DCHS1: variants seen among roughly 807,000 people sequenced by gnomAD.
DCHS1 encodes protocadherin-16.
Under a neutral mutation model 213.9 loss-of-function variants are expected in DCHS1, and 78 were observed. The ratio of observed to expected loss-of-function variants is 0.36; its 90% CI spans 0.30 to 0.44. The LOEUF is 0.44. Ranked by LOEUF, DCHS1 falls within the 20% of genes least tolerant of loss-of-function variation. The pLI, the probability that DCHS1 is intolerant of heterozygous loss-of-function variation, is 1.00. For synonymous variants in DCHS1, 1,828 were observed against 1,873.7 expected, an observed-to-expected ratio of 0.98 and a Z score of 0.63; for missense variants, 3,946 against 4,395.9, an observed-to-expected ratio of 0.90 and a Z score of 2.89.
chr11:6,629,659 C>T lies in DCHS1; in HGVS notation c.5035+13G>A, dbSNP rs1589955497. 12 of 1,612,808 alleles carry T rather than the reference C, an allele frequency of 7.4e-6. No homozygotes were observed. In the East Asian group the frequency reaches 2.0e-4, roughly 27 times the overall value. On this transcript the variant is annotated intron_variant, in intron 11 of 20. Coordinates refer to ENST00000299441, the MANE Select transcript of DCHS1 (RefSeq NM_003737.4). Reference sequence around the variant, plus strand: ...AGTCCATCCCACTCATAATTCACCCCCCCAGGTCTTACCCACGTCGGGGTC... The same window carrying T: ...AGTCCATCCCACTCATAATTCACCCTCCCAGGTCTTACCCACGTCGGGGTC...
rs779370588 is a variant in DCHS1, at chr11:6,632,600, C to T, written c.2912G>A (p.Arg971Gln). 4.0e-5 allele frequency: 61 copies of T among 1,520,266 alleles called. No individual in the cohort carries two copies. The highest frequency in any genetic ancestry group is 8.3e-5 in the Admixed American group (4 of 48,338). 94.2% of individuals were successfully genotyped at this position (1,520,266 alleles called of 1,614,324 possible). The change falls in exon 6 of 21, where the codon CGG becomes CAG. Residue 971 changes from arginine to glutamine, a missense_variant. Around this residue, in one of 3 missense-constraint regions of DCHS1, gnomAD observed 3,384 missense variants for 3,780.1 expected, o/e 0.90. Transcript: ENST00000299441. The surrounding 1 kb of genome is among the most constrained non-coding windows in gnomAD (Gnocchi z 5.9). ...GPAHELELEA[R>Q]DGGSPPRTSH... is the part of the protein sequence containing the mutation. ...GGTGCGTGGTGGGGAGCCCCCATCC[C>T]GGGCCTCCAGCTCCAGCTCATGGGC...
At position 6,630,263 on chromosome 11, in the gene DCHS1, G is replaced by C. The variant is rs1181160706; in HGVS notation, c.4531C>G (p.Leu1511Val). 17 of 1,539,168 alleles carry C rather than the reference G, an allele frequency of 1.1e-5. No homozygotes were observed. The highest frequency in any genetic ancestry group is 1.4e-5 in the Non-Finnish European group (16 of 1,146,226). ...LDRETTPALL[L>V]LVEATDRPAN... The stretch of plus-strand genomic sequence containing the variant: ...GGCCGGTCGGTGGCTTCCACCAGCA[G>C]CAGCAGCGCGGGAGTGGTCTCTCGG... The change falls in exon 10 of 21, where the codon CTG becomes GTG. Residue 1511 changes from leucine to valine, a missense_variant. Coordinates refer to ENST00000299441, the MANE Select transcript of DCHS1 (RefSeq NM_003737.4).
chr11:6,631,431 T>C, intron 7 of DCHS1, 24 bp from the exon 8 acceptor site: 1 of 1,613,518 alleles, frequency 6.2e-7, no homozygotes, highest in South Asian at 1.1e-5. Flanking sequence ...ACTCACCTAG[T>C]GAGTCTCTTT....
At chr11:6,637,751 A>G (rs980371231) in intron 2 of DCHS1, among the ~76,000 whole-genome samples, 1 of 152,066 alleles carries the variant, frequency 6.6e-6, no homozygotes, top group Non-Finnish European at 1.5e-5. Flanking sequence ...CCAAATGGAA[A>G]TGTTCTTATT....
At chr11:6,635,015 A>G (rs1855968161) in intron 2 of DCHS1, 1 of 152,256 alleles carries the variant, frequency 6.6e-6, no homozygotes, top group East Asian at 1.9e-4. Context: ...CTGTACTTAG[A>G]AAGAAGAAAG....
Position 6,626,230 on chromosome 11 carries a change from A to T in DCHS1, c.6515T>A (p.Leu2172Gln), listed in dbSNP as rs56920123. Residue 2172 changes from leucine to glutamine, a missense_variant, in exon 16 of 21, where the codon CTG becomes CAG. By Grantham distance (113) the Leu-to-Gln change is moderately radical. Coordinates refer to ENST00000299441, the MANE Select transcript of DCHS1 (RefSeq NM_003737.4). This position sits in a 1 kb window ranked among gnomAD's most constrained non-coding sequence, Gnocchi z 5.2. The part of the protein sequence containing the change: ...QDANDNAPRF[L>Q]RPHYVAFLPE... ...AAGGAAGGCCACATAATGGGGCCGC[A>T]GGAAACGGGGAGCATTGTCGTTGGC... 6,088 of 1,612,016 alleles carry T rather than the reference A, an allele frequency of 3.8e-3. 170 individuals are homozygous for T. The African/African-American group carries it at 0.063, about 17-fold the overall frequency.
At chr11:6,650,395 G>A (rs527915367) in intron 1 of DCHS1, among the ~76,000 whole-genome samples, 2 of 152,270 alleles carry the variant, frequency 1.3e-5, no homozygotes, top group South Asian at 4.1e-4. Flanking sequence ...TAGGGAAGAT[G>A]GATACAGGAG....
intron 1 of DCHS1, among the ~76,000 whole-genome samples, chr11:6,654,481 A>T (rs939064350): frequency 6.6e-6 from 1 of 152,126 alleles, no homozygotes; most frequent in African/African-American, 2.4e-5. Context: ...AATGTCTTCC[A>T]TGGTATGTGT....
intron 1 of DCHS1, among the ~76,000 whole-genome samples, chr11:6,654,875 C>A (rs530843522): frequency 6.6e-6 from 1 of 152,130 alleles, no homozygotes; most frequent in Non-Finnish European, 1.5e-5. Context: ...ACCCCCTCCA[C>A]GTGGGACCCA....
Position 6,621,344 on chromosome 11 carries a change from T to C in DCHS1, c.*435A>G, listed in dbSNP as rs1355797994. On this transcript the variant is annotated 3_prime_UTR_variant, in exon 21 of 21. Transcript: ENST00000299441. ...TGGAGACTGGATACAAATTGCAGTT[T>C]ATTAAGGCTCCAGAGTGAGAAATGG... The C allele has an allele frequency of 3.3e-6, 1 of 301,308 alleles. No individual in the cohort carries two copies. Among genetic ancestry groups the C allele is most frequent in the Non-Finnish European group, 6.6e-6 (1 of 151,442 alleles). 18.7% of individuals were successfully genotyped at this position (301,308 alleles called of 1,614,324 possible). A position where few individuals can be genotyped will look rare whatever the true frequency, so the allele number is the denominator to read the frequency against.
rs1251578536 is a variant in DCHS1, at chr11:6,640,304, G to A, written c.1310C>T (p.Ala437Val). ...ARRLDREERD[A>V]YNLRVTATDS... ...TGTGGCTGTAACCCTCAAGTTATAG[G>A]CATCCCTCTCCTCTCGATCCAGCCG... is the stretch of plus-strand genomic sequence containing the variant. Residue 437 changes from alanine (A) to valine (V), a missense_variant, in exon 2 of 21, where the codon GCC (alanine) becomes GTC (valine). Physicochemically the swap from Ala to Val is moderately conservative, Grantham distance 64 (BLOSUM62 0). This residue lies in a region of DCHS1 where 3,384 missense variants were observed against 3,780.1 expected (regional missense o/e 0.90). Coordinates refer to ENST00000299441, the MANE Select transcript of DCHS1 (RefSeq NM_003737.4). The surrounding 1 kb of genome is among the most constrained non-coding windows in gnomAD (Gnocchi z 6.5). 5 of 1,607,648 alleles carry A rather than the reference G, an allele frequency of 3.1e-6. No homozygotes were observed. The South Asian group carries it at 4.4e-5, about 14-fold the overall frequency.
chr11:6,639,965 G>A lies in DCHS1; in HGVS notation c.1649C>T (p.Ala550Val), dbSNP rs757766406. 1 of 1,614,006 alleles carries A rather than the reference G, an allele frequency of 6.2e-7. No individual in the cohort carries two copies. Among genetic ancestry groups the A allele is most frequent in the South Asian group, 1.1e-5 (1 of 91,084 alleles). ...TAGAGGGGGCAGGCCACCATCTGTG[G>A]CCACCACAATCAGCTGTGGCTGAGG... ...LEPQPQLIVVATDGGLPPLAS... is the reference protein window; with the variant it reads ...LEPQPQLIVVVTDGGLPPLAS... The change falls in exon 2 of 21, where the codon GCC becomes GTC. Residue 550 changes from alanine to valine, a missense_variant. By Grantham distance (64) the Ala-to-Val change is moderately conservative (BLOSUM62 0). Transcript: ENST00000299441.
rs771867213 is a variant in DCHS1, at chr11:6,628,689, G to A, written c.5303C>T (p.Thr1768Ile). The A allele has an allele frequency of 8.7e-6, 14 of 1,614,014 alleles. No individual in the cohort carries two copies. In the East Asian group the frequency reaches 1.6e-4, roughly 18 times the overall value. ...ATCAGAGGCCCGAAGCATGGTAAGG[G>A]TCTGGGGGTCCTGGCCCTCAGGCAC... ...LEVPEGQDPQ[T>I]LTMLRASDPD... Residue 1768 changes from threonine to isoleucine, a missense_variant, in exon 13 of 21, where the codon ACC (threonine) becomes ATC (isoleucine). Around this residue, in one of 3 missense-constraint regions of DCHS1, gnomAD observed 3,384 missense variants for 3,780.1 expected, o/e 0.90. Transcript: ENST00000299441. The surrounding 1 kb of genome is among the most constrained non-coding windows in gnomAD (Gnocchi z 4.3).
At chr11:6,654,923 T>C (rs1856292735) in intron 1 of DCHS1, among the ~76,000 whole-genome samples, 1 of 152,098 alleles carries the variant, frequency 6.6e-6, no homozygotes, top group Non-Finnish European at 1.5e-5. Context: ...TGCACGGGAT[T>C]CTGAGCTGGG....
rs148656427 is a variant in DCHS1 at position 6,623,819 on chromosome 11, A to G, written c.7857T>C (p.Ala2619=). ...CAGAGGCCTCTACATGCAGCAGCTC[A>G]GCTCCAACAGGTGTGTCCTCAGGTA... The part of the protein sequence containing the change: ...VTVPEDTPVG[A]ELLHVEASDA... Residue 2619 remains alanine (A), a synonymous_variant, in exon 21 of 21, where the codon GCT becomes GCC. Transcript: ENST00000299441. 1 of 1,613,772 alleles carries G rather than the reference A, an allele frequency of 6.2e-7. No homozygotes were observed. Among genetic ancestry groups the G allele is most frequent in the East Asian group, 2.2e-5 (1 of 44,878 alleles).
chr11:6,627,329 G>A lies in DCHS1; in HGVS notation c.5710C>T (p.Leu1904=), dbSNP rs1397484007. 6.2e-7 allele frequency: 1 copy of A among 1,610,080 alleles called. No homozygotes were observed. The highest frequency in any genetic ancestry group is 8.5e-7 in the Non-Finnish European group (1 of 1,178,268). Residue 1904 remains leucine, a synonymous_variant, in exon 14 of 21, where the codon CTG becomes TTG. Transcript: ENST00000299441. The surrounding 1 kb of genome is among the most constrained non-coding windows in gnomAD (Gnocchi z 5.4). ...LGAGTAGAFL[L]EPSSGELRTA... Reference sequence around the variant, plus strand: ...CGCAGTTCTCCAGAGCTGGGCTCCAGCAGGAAGGCTCCTGCTGTACCGGCG... The same window carrying A: ...CGCAGTTCTCCAGAGCTGGGCTCCAACAGGAAGGCTCCTGCTGTACCGGCG...
At position 6,622,864 on chromosome 11, in the gene DCHS1, C is replaced by A. The variant is rs778594490; in HGVS notation, c.8812G>T (p.Val2938Leu). 1 of 1,596,680 alleles carries A rather than the reference C, an allele frequency of 6.3e-7. No homozygotes were observed. The highest frequency in any genetic ancestry group is 2.3e-5 in the East Asian group (1 of 43,878). The change falls in exon 21 of 21, where the codon GTA becomes TTA. Residue 2938 changes from valine (V) to leucine (L), a missense_variant. This residue lies in a region of DCHS1 where 554 missense variants were observed against 590.2 expected (regional missense o/e 0.94). Coordinates refer to ENST00000299441, the MANE Select transcript of DCHS1 (RefSeq NM_003737.4). This position sits in a 1 kb window ranked among gnomAD's most constrained non-coding sequence, Gnocchi z 5.4. ...CCCAAGGAGGCTGCCACGGCCCCTA[C>A]TAATAGCAGGTTGAGGTCAGGTGCC... ...GLAPDLNLLL[V>L]GAVAASLGVV...
intron 8 of DCHS1, 35 bp downstream of exon 8, chr11:6,631,276 A>C (rs1372036620): frequency 1.2e-6 from 2 of 1,613,696 alleles, no homozygotes; most frequent in South Asian, 2.2e-5. Flanking sequence ...AGGGCATGCC[A>C]TCACCCACCA....
rs1282972998 is a variant in DCHS1, at chr11:6,623,230, G to A, written c.8446C>T (p.Pro2816Ser). The change falls in exon 21 of 21, where the codon CCA (proline) becomes TCA (serine). Residue 2816 changes from proline (P) to serine (S), a missense_variant. Transcript: ENST00000299441. Reference sequence around the variant, plus strand: ...TCGGGCACTTGGAAGTGGAAAGCTGGTGCCAGAAATACAGGGTCATACTCA... The same window carrying A: ...TCGGGCACTTGGAAGTGGAAAGCTGATGCCAGAAATACAGGGTCATACTCA... ...EDEYDPVFLA[P>S]AFHFQVPEGA... The A allele has an allele frequency of 6.3e-7, 1 of 1,595,016 alleles. No individual in the cohort carries two copies. The highest frequency in any genetic ancestry group is 2.3e-5 in the East Asian group (1 of 43,876).
Sources: allele counts gnomAD v4.1 joint callset (sites outside exome capture counted in the v4.1 genomes callset), GRCh38; gene constraint gnomAD v4.1.1; regional missense constraint gnomAD v4.1.1; non-coding constraint Gnocchi (gnomAD v3.1); transcripts MANE v1.5; gene names NCBI Gene and HGNC (gene_info 2026-07-23, HGNC 2026-07-21).